Variants in DECR1 observed in about 807,000 individuals in gnomAD.
DECR1 encodes the protein 2,4-dienoyl-CoA reductase 1, also known as 2,4-dienoyl-CoA reductase [(3E)-enoyl-CoA-producing], mitochondrial.
A neutral mutation model predicts 38.8 loss-of-function variants in DECR1; 44 were observed. The ratio of observed to expected loss-of-function variants is 1.13; its 90% CI spans 0.89 to 1.46. The LOEUF is 1.46. Ranked by LOEUF, DECR1 falls within the 40% of genes most tolerant of loss-of-function variation. The pLI, the probability that DECR1 is intolerant of heterozygous loss-of-function variation, is 0.00. For missense variants in DECR1, 428 were observed against 405.5 expected, an observed-to-expected ratio of 1.06 and a Z score of -0.48; for synonymous variants, 148 against 135.2, an observed-to-expected ratio of 1.09 and a Z score of -0.66.
rs751827348 is a variant in DECR1 at position 90,044,891 on chromosome 8, G to T, written c.781G>T (p.Glu261Ter). The part of the protein sequence containing the change: ...RLDPTGTFEK[E>*]MIGRIPCGRL... ...GGACCCAACTGGAACATTTGAGAAAGAAATGATTGGCAGAATTCCCTGTGG... is the reference window on the plus strand; with the variant it reads ...GGACCCAACTGGAACATTTGAGAAATAAATGATTGGCAGAATTCCCTGTGG... The change falls in exon 8 of 10, where the codon GAA (glutamate) becomes TAA (stop). Residue 261 changes from glutamate to a stop codon, truncating the protein, a stop_gained. Coordinates refer to ENST00000220764, the MANE Select transcript of DECR1 (RefSeq NM_001359.2). LOFTEE classifies it high-confidence loss of function. 7 of 1,613,446 alleles carry T rather than the reference G, an allele frequency of 4.3e-6. No homozygotes were observed. Among genetic ancestry groups the T allele is most frequent in the South Asian group, 1.1e-5 (1 of 90,990 alleles).
chr8:90,018,955 A>G lies in DECR1; in HGVS notation c.319A>G (p.Thr107Ala). 1 of 1,593,548 alleles carries G rather than the reference A, an allele frequency of 6.3e-7. No homozygotes were observed. Among genetic ancestry groups the G allele is most frequent in the Non-Finnish European group, 8.6e-7 (1 of 1,165,464 alleles). The change falls in exon 3 of 10, where the codon ACT becomes GCT. Residue 107 changes from threonine to alanine, a missense_variant. Coordinates refer to ENST00000220764, the MANE Select transcript of DECR1 (RefSeq NM_001359.2). ...KATAEQISSQTGNKVHAIQCD... is the reference protein window; with the variant it reads ...KATAEQISSQAGNKVHAIQCD... ...TACCGCAGAACAAATTTCTTCTCAA[A>G]CTGGAAATAAGGTACATTAAAAATC...
intron 2 of DECR1, among the ~76,000 whole-genome samples, chr8:90,018,086 C>T (rs1249263078): frequency 6.6e-6 from 1 of 152,156 alleles, no homozygotes; most frequent in Non-Finnish European, 1.5e-5. Context: ...CTGGGTTTTG[C>T]CATATTGGCC....
At chr8:90,007,551 G>T (rs897768174) in intron 1 of DECR1, among the ~76,000 whole-genome samples, 1 of 151,972 alleles carries the variant, frequency 6.6e-6, no homozygotes, top group Non-Finnish European at 1.5e-5. Context: ...GGCAGGGCAG[G>T]TGGTGGGGGT....
chr8:90,006,084 A>G (rs1812731936), intron 1 of DECR1: 4 of 643,766 alleles, frequency 6.2e-6, no homozygotes, highest in African/African-American at 1.8e-5. Context: ...ACCATAACCC[A>G]GGCACCTCCC....
intron 8 of DECR1, among the ~76,000 whole-genome samples, chr8:90,049,841 G>C (rs969546953): frequency 2.6e-5 from 4 of 152,104 alleles, no homozygotes; most frequent in African/African-American, 9.7e-5. Context: ...ATAGACCAAC[G>C]GAACAGAACA....
intron 6 of DECR1, among the ~76,000 whole-genome samples, chr8:90,037,290 T>C (rs1813639476): frequency 6.6e-6 from 1 of 152,122 alleles, no homozygotes; most frequent in African/African-American, 2.4e-5. Context: ...ACTATAGCTT[T>C]TTTGCTCTCC....
At chr8:90,013,851 G>A (rs940683143) in intron 1 of DECR1, among the ~76,000 whole-genome samples, 1 of 152,130 alleles carries the variant, frequency 6.6e-6, no homozygotes, top group Non-Finnish European at 1.5e-5. Context: ...TTGAGGGGAA[G>A]GTGCAGTGTC....
intron 5 of DECR1, among the ~76,000 whole-genome samples, chr8:90,036,540 C>T (rs1813620021): frequency 6.6e-6 from 1 of 151,994 alleles, no homozygotes; most frequent in Non-Finnish European, 1.5e-5. Flanking sequence ...GAATCCTGAC[C>T]AGCTGATTAT....
chr8:90,034,132 C>T (rs759840867), intron 5 of DECR1, among the ~76,000 whole-genome samples: 10 of 152,140 alleles, frequency 6.6e-5, no homozygotes, highest in Non-Finnish European at 1.5e-4. Flanking sequence ...CTTCCACCCC[C>T]GTGTTTCCCA....
intron 1 of DECR1, among the ~76,000 whole-genome samples, chr8:90,012,293 C>T (rs956080237): frequency 3.3e-5 from 5 of 151,964 alleles, no homozygotes; most frequent in African/African-American, 1.2e-4. Flanking sequence ...GCTGGGACTA[C>T]AGGCGCATGC....
chr8:90,043,281 A>C (rs1399977672), intron 7 of DECR1, among the ~76,000 whole-genome samples: 1 of 151,824 alleles, frequency 6.6e-6, no homozygotes, highest in Non-Finnish European at 1.5e-5. Context: ...GTGCCCTTTC[A>C]CTCTCAGTCA....
Position 90,017,121 on chromosome 8 carries a change from T to A in DECR1, c.70-3T>A. ...CAAATTTAAATTCATTTTCCCCTTT[T>A]AGTTTTTCAGTTATGGGACAAAAAT... is the stretch of plus-strand genomic sequence containing the variant. On this transcript the variant is annotated splice_polypyrimidine_tract_variant and splice_region_variant and intron_variant, in intron 1 of 9. Coordinates refer to ENST00000220764, the MANE Select transcript of DECR1 (RefSeq NM_001359.2). 1 of 1,604,636 alleles carries A rather than the reference T, an allele frequency of 6.2e-7. No homozygotes were observed. The highest frequency in any genetic ancestry group is 1.3e-5 in the African/African-American group (1 of 74,638).
chr8:90,010,547 T>G (rs557674540), intron 1 of DECR1, among the ~76,000 whole-genome samples: 1 of 152,338 alleles, frequency 6.6e-6, no homozygotes, highest in South Asian at 2.1e-4. Context: ...TAAGGTGTTT[T>G]GGGAATGCAA....
At chr8:90,029,699 G>C (rs1346151266) in intron 5 of DECR1, among the ~76,000 whole-genome samples, 1 of 152,156 alleles carries the variant, frequency 6.6e-6, no homozygotes, top group Non-Finnish European at 1.5e-5. Flanking sequence ...AGTCCCTGAT[G>C]TGTGAACCGT....
chr8:90,015,791 A>G (rs972498574), intron 1 of DECR1: 9 of 336,584 alleles, frequency 2.7e-5, no homozygotes, highest in African/African-American at 1.9e-4. Context: ...AGGAATATGC[A>G]AGCTGGTTAT....
intron 5 of DECR1, among the ~76,000 whole-genome samples, chr8:90,025,066 G>C (rs1422157071): frequency 6.6e-6 from 1 of 152,156 alleles, no homozygotes; most frequent in East Asian, 1.9e-4. Flanking sequence ...GCTCTGTTCT[G>C]TTCCATTGAT....
At chr8:90,021,099 G>T (rs1290349697) in intron 5 of DECR1, 43 bp downstream of exon 5, 1 of 1,503,880 alleles carries the variant, frequency 6.6e-7, no homozygotes, top group African/African-American at 1.4e-5. Context: ...GCTTCTGTGT[G>T]TGCAAGGTTC....
chr8:90,011,829 C>G (rs975234266), intron 1 of DECR1, among the ~76,000 whole-genome samples: 3 of 152,080 alleles, frequency 2.0e-5, no homozygotes, highest in South Asian at 2.1e-4. Flanking sequence ...TGTGGATTTG[C>G]TGGGTCAAAG....
At chr8:90,015,908 A>G (rs1463115803) in intron 1 of DECR1, among the ~76,000 whole-genome samples, 4 of 152,222 alleles carry the variant, frequency 2.6e-5, no homozygotes, top group African/African-American at 9.7e-5. Context: ...ATAGGATAAA[A>G]CTAATACCTA....
Sources: allele counts gnomAD v4.1 joint callset (sites outside exome capture counted in the v4.1 genomes callset), GRCh38; gene constraint gnomAD v4.1.1; transcripts MANE v1.5; gene names NCBI Gene and HGNC (gene_info 2026-07-23, HGNC 2026-07-21).